Variants in AGBL4 observed in about 807,000 individuals in gnomAD.
The protein encoded by AGBL4 is AGBL carboxypeptidase 4, also known as cytosolic carboxypeptidase 6.
Under a neutral mutation model 66.4 loss-of-function variants are expected in AGBL4, and 58 were observed. That is an observed-to-expected ratio of 0.87 (90% CI 0.71 to 1.09). AGBL4 has a LOEUF of 1.09. Ranked by LOEUF, AGBL4 falls within the 50% of genes least tolerant of loss-of-function variation. AGBL4 has a pLI of 0.00. For synonymous variants in AGBL4, 234 were observed against 222.9 expected, an observed-to-expected ratio of 1.05 and a Z score of -0.44; for missense variants, 579 against 631.0, an observed-to-expected ratio of 0.92 and a Z score of 0.88.
At chr1:49,928,978 G>T (rs922630682) in intron 1 of AGBL4, among the ~76,000 whole-genome samples, 3 of 152,050 alleles carry the variant, frequency 2.0e-5, no homozygotes, top group Non-Finnish European at 4.4e-5. Context: ...TAAAATACTA[G>T]ACAGCCATAA....
chr1:49,561,083 G>C (rs930120248), intron 3 of AGBL4, among the ~76,000 whole-genome samples: 2 of 151,950 alleles, frequency 1.3e-5, no homozygotes, highest in Non-Finnish European at 2.9e-5. Context: ...ACTATGGTGT[G>C]TAAACTACTC....
At chr1:48,931,643 C>T (rs192055790) in intron 5 of AGBL4, among the ~76,000 whole-genome samples, 28 of 152,166 alleles carry the variant, frequency 1.8e-4, no homozygotes, top group Admixed American at 7.2e-4. Context: ...CCTCAGCCTT[C>T]GGAGTAGCTG....
intron 1 of AGBL4, among the ~76,000 whole-genome samples, chr1:49,878,525 T>C (rs183952839): frequency 2.6e-5 from 4 of 152,100 alleles, no homozygotes; most frequent in African/African-American, 7.3e-5. Context: ...GTCTGAGAGA[T>C]AGTTTGTTAT....
intron 3 of AGBL4, among the ~76,000 whole-genome samples, chr1:49,384,634 C>T (rs536019135): frequency 1.3e-5 from 2 of 152,018 alleles, no homozygotes; most frequent in South Asian, 2.1e-4. Flanking sequence ...CAAAAGCCAA[C>T]AGGCATATGA....
At chr1:49,260,877 A>C (rs970706593) in intron 3 of AGBL4, among the ~76,000 whole-genome samples, 20 of 150,986 alleles carry the variant, frequency 1.3e-4, no homozygotes, top group Non-Finnish European at 2.4e-4. Flanking sequence ...TTAGACCAAT[A>C]TCCTTGATGA....
intron 4 of AGBL4, among the ~76,000 whole-genome samples, chr1:49,129,081 T>A (rs1027062732): frequency 6.6e-6 from 1 of 151,824 alleles, no homozygotes; most frequent in Non-Finnish European, 1.5e-5. Context: ...CACAAACAAA[T>A]GGACAAAAAG....
intron 6 of AGBL4, among the ~76,000 whole-genome samples, chr1:48,753,284 CA>C (rs1241942951): frequency 1.3e-5 from 2 of 152,204 alleles, no homozygotes; most frequent in Admixed American, 1.3e-4. Flanking sequence ...GAGGAGAAAA[CA>C]GACACCTGAG....
At chr1:49,373,356 C>T (rs139244084) in intron 3 of AGBL4, among the ~76,000 whole-genome samples, 167 of 152,162 alleles carry the variant, frequency 1.1e-3, no homozygotes, top group African/African-American at 3.9e-3. Context: ...AGGAGTAACC[C>T]CAAAACATGC....
intron 3 of AGBL4, among the ~76,000 whole-genome samples, chr1:49,506,230 T>C (rs568405202): frequency 5.3e-4 from 81 of 152,178 alleles, no homozygotes; most frequent in African/African-American, 1.9e-3. Flanking sequence ...TAGGTACTGA[T>C]ATAACAAGAA....
chr1:48,563,655 G>GACAA (rs149417037), intron 11 of AGBL4, among the ~76,000 whole-genome samples: 25 of 48,268 alleles, frequency 5.2e-4, no homozygotes, highest in Non-Finnish European at 1.4e-3. Context: ...CTTACAGATA[G>GACAA]ATAGACAGAC....
At chr1:48,812,426 G>A (rs943800949) in intron 6 of AGBL4, among the ~76,000 whole-genome samples, 4 of 152,178 alleles carry the variant, frequency 2.6e-5, no homozygotes, top group African/African-American at 9.6e-5. Context: ...ACCTGCTCCT[G>A]GACAACACTG....
At chr1:48,659,544 A>T (rs141912834) in intron 7 of AGBL4, among the ~76,000 whole-genome samples, 2 of 152,348 alleles carry the variant, frequency 1.3e-5, no homozygotes, top group Non-Finnish European at 2.9e-5. Context: ...TCCCAGGAAG[A>T]GTCAGTGAAA....
intron 3 of AGBL4, among the ~76,000 whole-genome samples, chr1:49,422,627 TAC>T (rs1273068559): frequency 1.1e-4 from 17 of 152,346 alleles, no homozygotes; most frequent in African/African-American, 3.8e-4. Flanking sequence ...TATTTAAGCA[TAC>T]ACCTTGCTAT....
At chr1:49,333,966 T>C (rs1201519883) in intron 3 of AGBL4, among the ~76,000 whole-genome samples, 1 of 152,224 alleles carries the variant, frequency 6.6e-6, no homozygotes, top group East Asian at 1.9e-4. Context: ...TGCAGGCTCC[T>C]ACAATTGACC....
intron 2 of AGBL4, among the ~76,000 whole-genome samples, chr1:49,741,199 T>C (rs1409954882): frequency 6.6e-6 from 1 of 151,888 alleles, no homozygotes; most frequent in Non-Finnish European, 1.5e-5. Flanking sequence ...ATAGATGCAA[T>C]AAAAAATGAT....
intron 5 of AGBL4, among the ~76,000 whole-genome samples, chr1:48,995,466 C>G (rs944064442): frequency 1.3e-5 from 2 of 152,152 alleles, no homozygotes; most frequent in African/African-American, 4.8e-5. Context: ...AAAACAAATG[C>G]CTTGCCCCAA....
At chr1:49,603,660 T>C (rs1010454749) in intron 3 of AGBL4, among the ~76,000 whole-genome samples, 1 of 152,106 alleles carries the variant, frequency 6.6e-6, no homozygotes, top group Non-Finnish European at 1.5e-5. Flanking sequence ...TACATGTCAT[T>C]ACATTACAAG....
chr1:49,938,234 C>T (rs1431141919), intron 1 of AGBL4, among the ~76,000 whole-genome samples: 9 of 152,082 alleles, frequency 5.9e-5, no homozygotes, highest in East Asian at 3.9e-4. Context: ...GCAAATAAAC[C>T]AGAAAATCTA....
chr1:49,737,376 T>C (rs1173419049), intron 2 of AGBL4, among the ~76,000 whole-genome samples: 4 of 152,216 alleles, frequency 2.6e-5, no homozygotes, highest in Non-Finnish European at 5.9e-5. Context: ...ATCATGTCCT[T>C]TGCAGCAACA....
Sources: allele counts gnomAD v4.1 joint callset (sites outside exome capture counted in the v4.1 genomes callset), GRCh38; gene constraint gnomAD v4.1.1; transcripts MANE v1.5; gene names NCBI Gene and HGNC (gene_info 2026-07-23, HGNC 2026-07-21).